The following PHLDB2 variants were observed in gnomAD, a reference collection of about 807,000 sequenced individuals.
The protein encoded by PHLDB2 is pleckstrin homology like domain family B member 2.
PHLDB2 carries 71 observed loss-of-function variants against 123.6 expected under a neutral mutation model. The ratio of observed to expected loss-of-function variants is 0.57; its 90% CI spans 0.47 to 0.70. The LOEUF is 0.70. Among genes scored for constraint, PHLDB2 ranks in the 30% least tolerant of loss-of-function variants. PHLDB2 has a pLI of 0.00. For missense variants in PHLDB2, 1,446 were observed against 1,519.5 expected, an observed-to-expected ratio of 0.95 and a Z score of 0.80; for synonymous variants, 547 against 541.6, an observed-to-expected ratio of 1.01 and a Z score of -0.14.
At chr3:111,770,748 T>C (rs1033048706) in intron 1 of PHLDB2, among the ~76,000 whole-genome samples, 5 of 152,154 alleles carry the variant, frequency 3.3e-5, no homozygotes, top group Non-Finnish European at 5.9e-5. Context: ...TCACCAAAAG[T>C]AAAAATCTTA....
chr3:111,946,284 A>G (rs1220905283), intron 9 of PHLDB2, among the ~76,000 whole-genome samples: 1 of 152,192 alleles, frequency 6.6e-6, no homozygotes, highest in African/African-American at 2.4e-5. Context: ...GGCCTCCCAA[A>G]GTGCTGGGAT....
At chr3:111,805,493 G>A (rs1470335325) in intron 1 of PHLDB2, among the ~76,000 whole-genome samples, 1 of 146,146 alleles carries the variant, frequency 6.8e-6, no homozygotes, top group Non-Finnish European at 1.5e-5. Flanking sequence ...CCTGGGAGGC[G>A]GAGCTTGCAG....
At chr3:111,828,812 CA>C (rs559300666) in intron 1 of PHLDB2, among the ~76,000 whole-genome samples, 1 of 150,770 alleles carries the variant, frequency 6.6e-6, no homozygotes, top group Non-Finnish European at 1.5e-5. Flanking sequence ...AACAAACAAA[CA>C]AAAAAGATTA....
intron 1 of PHLDB2, among the ~76,000 whole-genome samples, chr3:111,824,904 G>A (rs552189753): frequency 6.6e-6 from 1 of 152,262 alleles, no homozygotes; most frequent in East Asian, 1.9e-4. Flanking sequence ...CTCTGCCTGA[G>A]TGTTCTTGAA....
rs980137025 is a variant in PHLDB2 at position 111,975,899 on chromosome 3, A to G, written c.*1336A>G. 1.6e-4 allele frequency: 25 copies of G among 152,662 alleles called. No homozygotes were observed. The highest frequency in any genetic ancestry group is 5.8e-4 in the African/African-American group (24 of 41,460). 9.5% of individuals were successfully genotyped at this position (152,662 alleles called of 1,614,324 possible). A position where few individuals can be genotyped will look rare whatever the true frequency, so the allele number is the denominator to read the frequency against. On this transcript the variant is annotated 3_prime_UTR_variant, in exon 18 of 18. Coordinates refer to ENST00000431670, the MANE Select transcript of PHLDB2 (RefSeq NM_001134438.2). ...AACTTTGTCAGCCTGACTGGGTACA[A>G]TTCTTTTGTTAATTTGCAGTGTGGT...
At chr3:111,839,158 G>A (rs1576834433) in intron 1 of PHLDB2, among the ~76,000 whole-genome samples, 3 of 151,958 alleles carry the variant, frequency 2.0e-5, no homozygotes. Context: ...AATTAGCCAA[G>A]AGGCCACCCA....
At chr3:111,771,837 G>C (rs1208929384) in intron 1 of PHLDB2, among the ~76,000 whole-genome samples, 2 of 152,008 alleles carry the variant, frequency 1.3e-5, no homozygotes, top group Non-Finnish European at 2.9e-5. Context: ...ACATCTTTTG[G>C]GGGGACACAA....
At chr3:111,912,190 T>C (rs1408240539) in intron 2 of PHLDB2, among the ~76,000 whole-genome samples, 1 of 152,222 alleles carries the variant, frequency 6.6e-6, no homozygotes, top group Non-Finnish European at 1.5e-5. Context: ...TGAGATTTCC[T>C]ACCTCAAGCA....
intron 2 of PHLDB2, among the ~76,000 whole-genome samples, chr3:111,904,262 A>G (rs1287992241): frequency 1.5e-5 from 1 of 66,462 alleles, no homozygotes; most frequent in Non-Finnish European, 3.0e-5. Flanking sequence ...TGGGTGACAG[A>G]GTGAGACCCT....
At chr3:111,773,865 C>T (rs968561410) in intron 1 of PHLDB2, among the ~76,000 whole-genome samples, 2 of 152,194 alleles carry the variant, frequency 1.3e-5, no homozygotes, top group Non-Finnish European at 2.9e-5. Flanking sequence ...TTCTCAAATA[C>T]TACCATGTCA....
chr3:111,761,622 T>A (rs900463588), intron 1 of PHLDB2, among the ~76,000 whole-genome samples: 1 of 152,188 alleles, frequency 6.6e-6, no homozygotes, highest in Admixed American at 6.5e-5. Context: ...GTTCTCAAAC[T>A]TCAGCTGCAT....
intron 4 of PHLDB2, among the ~76,000 whole-genome samples, chr3:111,919,644 G>A (rs1261469525): frequency 2.0e-5 from 3 of 152,214 alleles, no homozygotes; most frequent in African/African-American, 7.2e-5. Flanking sequence ...AATCGATCCA[G>A]GTTTCTAGAG....
chr3:111,874,520 T>C (rs1226224965), intron 1 of PHLDB2, among the ~76,000 whole-genome samples: 1 of 152,162 alleles, frequency 6.6e-6, no homozygotes, highest in Non-Finnish European at 1.5e-5. Flanking sequence ...TTGTTCCATG[T>C]CCTCATTCAG....
chr3:111,938,885 G>A (rs1424535209), intron 6 of PHLDB2, among the ~76,000 whole-genome samples: 14 of 151,902 alleles, frequency 9.2e-5, no homozygotes, highest in South Asian at 4.2e-4. Flanking sequence ...GCACAATCTC[G>A]GCTCACTGCA....
intron 1 of PHLDB2, among the ~76,000 whole-genome samples, chr3:111,768,708 G>A (rs2060124456): frequency 1.3e-5 from 2 of 152,132 alleles, no homozygotes; most frequent in African/African-American, 4.8e-5. Flanking sequence ...AGGTCCATAC[G>A]ACTGCCTGGG....
intron 12 of PHLDB2, among the ~76,000 whole-genome samples, chr3:111,955,143 T>TTATATATATA (rs1559921115): frequency 4.3e-4 from 4 of 9,254 alleles, no homozygotes; most frequent in Non-Finnish European, 6.5e-4. Flanking sequence ...TATGTATATA[T>TTATATATATA]GATATATATA....
chr3:111,960,064 A>G (rs1404251884), intron 12 of PHLDB2: 4 of 472,462 alleles, frequency 8.5e-6, no homozygotes, highest in Non-Finnish European at 1.1e-5. Flanking sequence ...TCATAAGAAA[A>G]TATACGTGTG....
At position 111,787,159 on chromosome 3, in the gene PHLDB2, C is replaced by T. The variant is rs542874686; in HGVS notation, c.-49+54456C>T. Among the ~76,000 whole-genome samples the T allele has an allele frequency of 6.4e-4, 97 of 152,254 alleles. 1 individual carries two copies. The highest frequency in any genetic ancestry group is 2.1e-3 in the African/African-American group (86 of 41,552). ...AATTGTGTTGGATGTCTTTAACTGC[C>T]ATAGTGTCAGAGACTGACAGCCTAC... On this transcript the variant is annotated intron_variant, in intron 1 of 17. Coordinates refer to the PHLDB2 transcript ENST00000393923.
intron 2 of PHLDB2, among the ~76,000 whole-genome samples, chr3:111,895,898 A>ATCTATCTG (rs1189579868): frequency 1.3e-5 from 2 of 151,868 alleles, no homozygotes; most frequent in Non-Finnish European, 2.9e-5. Context: ...CTATCTATCT[A>ATCTATCTG]TTTATATGGA....
Sources: allele counts gnomAD v4.1 joint callset (sites outside exome capture counted in the v4.1 genomes callset), GRCh38; gene constraint gnomAD v4.1.1; transcripts MANE v1.5; gene names NCBI Gene and HGNC (gene_info 2026-07-23, HGNC 2026-07-21).